Variants in CADPS2 observed in about 807,000 individuals in gnomAD.
CADPS2 encodes the protein calcium-dependent secretion activator 2.
CADPS2 carries 93 observed loss-of-function variants against 172.5 expected under a neutral mutation model. The observed-to-expected ratio is 0.54, with a 90% confidence interval of 0.46 to 0.64. CADPS2 has a LOEUF of 0.64. CADPS2 is among the 30% of genes least tolerant of loss of function. The pLI is 0.00. For missense variants in CADPS2, 1,420 were observed against 1,565.9 expected (o/e 0.91, Z 1.57); for synonymous variants, 546 against 555.2 (o/e 0.98, Z 0.23).
intron 25 of CADPS2, among the ~76,000 whole-genome samples, chr7:122,378,105 T>C (rs916982): frequency 0.33 from 49,890 of 151,998 alleles, 8,586 homozygotes; most frequent in East Asian, 0.59. Context: ...ATTACGAAAC[T>C]CTTCATTTAT....
At chr7:122,760,001 T>C (rs765951197) in intron 1 of CADPS2, among the ~76,000 whole-genome samples, 77 of 150,358 alleles carry the variant, frequency 5.1e-4, no homozygotes, top group South Asian at 8.4e-4. Context: ...TATATATATA[T>C]ACACACACAC....
chr7:122,662,502 A>C (rs2080707391), intron 3 of CADPS2, among the ~76,000 whole-genome samples: 1 of 151,440 alleles, frequency 6.6e-6, no homozygotes, highest in South Asian at 2.1e-4. Flanking sequence ...CAGCCTCCTG[A>C]GTAGCTGGGA....
chr7:122,413,037 C>A (rs1342046223), intron 19 of CADPS2: 1 of 152,226 alleles, frequency 6.6e-6, no homozygotes, highest in Admixed American at 6.5e-5. Flanking sequence ...AGGTCTGGAG[C>A]CTGGCCTGAG....
intron 1 of CADPS2, among the ~76,000 whole-genome samples, chr7:122,808,923 A>G (rs763278685): frequency 2.0e-5 from 3 of 152,176 alleles, no homozygotes; most frequent in Non-Finnish European, 2.9e-5. Context: ...ATGTATGTAT[A>G]TAAAAGTTCA....
At chr7:122,689,406 C>T (rs949202886) in intron 2 of CADPS2, among the ~76,000 whole-genome samples, 2 of 152,194 alleles carry the variant, frequency 1.3e-5, no homozygotes, top group Non-Finnish European at 2.9e-5. Context: ...AAAAGGAGGG[C>T]AACTCAGATG....
intron 2 of CADPS2, among the ~76,000 whole-genome samples, chr7:122,697,457 A>G (rs112201903): frequency 1.8e-3 from 272 of 152,294 alleles, no homozygotes; most frequent in African/African-American, 5.8e-3. Context: ...TTTTCTTACC[A>G]AAATAGAACC....
At chr7:122,535,089 C>T (rs2062119355) in intron 8 of CADPS2, among the ~76,000 whole-genome samples, 1 of 152,062 alleles carries the variant, frequency 6.6e-6, no homozygotes, top group Admixed American at 6.6e-5. Flanking sequence ...TGACTTTTAA[C>T]CTAATCACTT....
At chr7:122,782,910 C>T (rs1793110429) in intron 1 of CADPS2, among the ~76,000 whole-genome samples, 1 of 151,958 alleles carries the variant, frequency 6.6e-6, no homozygotes, top group African/African-American at 2.4e-5. Flanking sequence ...CTTATATTGA[C>T]TCTATTGAAT....
intron 11 of CADPS2, among the ~76,000 whole-genome samples, chr7:122,485,722 G>A (rs568472418): frequency 6.6e-6 from 1 of 152,316 alleles, no homozygotes; most frequent in East Asian, 1.9e-4. Flanking sequence ...TTTTAGTGTA[G>A]ACAAAATAAT....
chr7:122,835,796 T>G (rs985470037), intron 1 of CADPS2, among the ~76,000 whole-genome samples: 6 of 152,166 alleles, frequency 3.9e-5, no homozygotes, highest in Admixed American at 3.9e-4. Context: ...ACCAAACCTA[T>G]GTCTGATTGG....
intron 27 of CADPS2, among the ~76,000 whole-genome samples, chr7:122,349,791 G>A (rs2038253451): frequency 6.6e-6 from 1 of 152,066 alleles, no homozygotes; most frequent in African/African-American, 2.4e-5. Flanking sequence ...TGCTGCAAAC[G>A]CTCTTGCTTC....
intron 7 of CADPS2, among the ~76,000 whole-genome samples, chr7:122,570,209 A>C (rs540219554): frequency 2.6e-3 from 394 of 152,190 alleles, no homozygotes; most frequent in African/African-American, 9.1e-3. Context: ...AAGCCCATCA[A>C]AAAGTGGGCA....
At chr7:122,656,348 A>G (rs1046768142) in intron 3 of CADPS2, among the ~76,000 whole-genome samples, 1 of 152,164 alleles carries the variant, frequency 6.6e-6, no homozygotes, top group Admixed American at 6.6e-5. Flanking sequence ...TGCCTGAGGG[A>G]AACACTGAAA....
intron 1 of CADPS2, among the ~76,000 whole-genome samples, chr7:122,782,802 A>G (rs1221615052): frequency 6.6e-6 from 1 of 152,126 alleles, no homozygotes; most frequent in Non-Finnish European, 1.5e-5. Flanking sequence ...ATTTTAGCTG[A>G]TATGTTGTTT....
intron 2 of CADPS2, among the ~76,000 whole-genome samples, chr7:122,732,453 A>C (rs1046632438): frequency 2.6e-5 from 4 of 151,158 alleles, no homozygotes; most frequent in African/African-American, 9.7e-5. Context: ...AGAGAGAAAA[A>C]TAATAGCAAA....
intron 1 of CADPS2, among the ~76,000 whole-genome samples, chr7:122,786,639 A>AT (rs1242345358): frequency 7.2e-5 from 11 of 152,192 alleles, no homozygotes; most frequent in African/African-American, 1.9e-4. Context: ...TGAGATGTAA[A>AT]TTTTTTTACT....
intron 9 of CADPS2, among the ~76,000 whole-genome samples, chr7:122,509,284 T>G (rs2059846497): frequency 6.6e-6 from 1 of 152,184 alleles, no homozygotes; most frequent in South Asian, 2.1e-4. Flanking sequence ...CTCATACATC[T>G]GCAGCAGGTA....
chr7:122,655,959 A>T (rs2079718434), intron 3 of CADPS2, among the ~76,000 whole-genome samples: 1 of 152,166 alleles, frequency 6.6e-6, no homozygotes, highest in Non-Finnish European at 1.5e-5. Flanking sequence ...GGCAAGCTGC[A>T]AATCATTGAC....
intron 1 of CADPS2, among the ~76,000 whole-genome samples, chr7:122,798,951 A>T (rs1407885851): frequency 1.3e-5 from 2 of 152,126 alleles, no homozygotes; most frequent in Middle Eastern, 3.4e-3. Flanking sequence ...GATGAAAGAC[A>T]GCCTTATCCC....
Sources: gnomAD v4.1 joint callset for allele counts (sites outside exome capture counted in the v4.1 genomes callset) on GRCh38, gnomAD v4.1.1 for gene constraint, MANE v1.5 for transcripts, NCBI Gene and HGNC (gene_info 2026-07-23, HGNC 2026-07-21) for gene names.